Variants in GRIK4 observed in about 807,000 individuals in gnomAD.
The protein encoded by GRIK4 is glutamate receptor ionotropic, kainate 4.
A neutral mutation model predicts 104.9 loss-of-function variants in GRIK4; 40 were observed. The observed-to-expected ratio is 0.38, with a 90% confidence interval of 0.30 to 0.50. The LOEUF is 0.50. Among genes scored for constraint, GRIK4 ranks in the 20% least tolerant of loss-of-function variants. The pLI, the probability that GRIK4 is intolerant of heterozygous loss-of-function variation, is 0.93. For synonymous variants in GRIK4, 485 were observed against 524.9 expected (o/e 0.92, Z 1.04); for missense variants, 1,047 against 1,308.1 (o/e 0.80, Z 3.08).
chr11:120,547,463 G>A (rs12294271), intron 1 of GRIK4, among the ~76,000 whole-genome samples: 1 of 152,140 alleles, frequency 6.6e-6, no homozygotes, highest in East Asian at 1.9e-4. Context: ...GTGACCACAT[G>A]CTCACACAGG....
At chr11:120,577,571 T>TTGCCTGCCTTGG (rs1948501852) in intron 1 of GRIK4, among the ~76,000 whole-genome samples, 1 of 152,008 alleles carries the variant, frequency 6.6e-6, no homozygotes, top group Non-Finnish European at 1.5e-5. Context: ...GGCAGATCAT[T>TTGCCTGCCTTGG]AAGATTTAAT....
At chr11:120,982,768 C>G (rs2134802849) in intron 20 of GRIK4, among the ~76,000 whole-genome samples, 1 of 152,236 alleles carries the variant, frequency 6.6e-6, no homozygotes, top group African/African-American at 2.4e-5. Context: ...GTTACATTAG[C>G]CTCTATCTCA....
chr11:120,623,380 G>A (rs6589821), intron 1 of GRIK4, among the ~76,000 whole-genome samples: 58,722 of 151,840 alleles, frequency 0.39, 11,686 homozygotes, highest in Admixed American at 0.5. Flanking sequence ...TGATCCTCCC[G>A]CCTTGGACTC....
Position 120,956,046 on chromosome 11 carries a change from G to A in GRIK4, c.1701-734G>A, listed in dbSNP as rs561192368. ...GCTTGGTGGTTCTGAGGTAGGCTAAGGCTGGAGGGCCACTGCTCTAGGCTG... is the reference window on the plus strand; with the variant it reads ...GCTTGGTGGTTCTGAGGTAGGCTAAAGCTGGAGGGCCACTGCTCTAGGCTG... On this transcript the variant is annotated intron_variant, in intron 15 of 20. Transcript: ENST00000527524. This position sits in a 1 kb window ranked among gnomAD's most constrained non-coding sequence, Gnocchi z 4.6. Among the ~76,000 whole-genome samples, 19 of 152,240 alleles carry A rather than the reference G, an allele frequency of 1.2e-4. No homozygotes were observed. The highest frequency in any genetic ancestry group is 4.6e-4 in the African/African-American group (19 of 41,562).
chr11:120,603,137 C>A (rs1948909811), intron 1 of GRIK4, among the ~76,000 whole-genome samples: 1 of 152,216 alleles, frequency 6.6e-6, no homozygotes, highest in Non-Finnish European at 1.5e-5. Flanking sequence ...GAGACTGAGT[C>A]CCACTGGCAG....
intron 1 of GRIK4, among the ~76,000 whole-genome samples, chr11:120,512,965 C>T (rs1208541157): frequency 6.6e-6 from 1 of 152,152 alleles, no homozygotes; most frequent in Non-Finnish European, 1.5e-5. Context: ...CCGGGCTGGA[C>T]CTTGGGCTGC....
At chr11:120,652,813 A>C (rs1317239833) in intron 1 of GRIK4, among the ~76,000 whole-genome samples, 1 of 152,096 alleles carries the variant, frequency 6.6e-6, no homozygotes, top group Non-Finnish European at 1.5e-5. Flanking sequence ...TGAGGATGAG[A>C]GAGACCAGCG....
chr11:120,861,463 G>A (rs1954261487), intron 8 of GRIK4, among the ~76,000 whole-genome samples: 1 of 152,092 alleles, frequency 6.6e-6, no homozygotes, highest in Non-Finnish European at 1.5e-5. Flanking sequence ...CACACTTTAA[G>A]AAGTGATGTC....
chr11:120,746,639 AG>A (rs1011125831), intron 3 of GRIK4, among the ~76,000 whole-genome samples: 2 of 152,192 alleles, frequency 1.3e-5, no homozygotes, highest in African/African-American at 4.8e-5. Context: ...CTTACCCAAA[AG>A]GGGGAATTAA....
chr11:120,719,524 G>C (rs368551100), intron 3 of GRIK4, among the ~76,000 whole-genome samples: 77 of 152,296 alleles, frequency 5.1e-4, no homozygotes, highest in Middle Eastern at 3.4e-3. Context: ...GATGATACCA[G>C]CTTCCCAGTT....
At chr11:120,802,990 T>C (rs78587577) in intron 4 of GRIK4, 133 bp downstream of exon 4, 1 of 807,616 alleles carries the variant, frequency 1.2e-6, no homozygotes, top group South Asian at 1.8e-5. Flanking sequence ...GGAGAGGAAC[T>C]TGAACCAGGA....
chr11:120,855,278 A>G (rs1233293314), intron 8 of GRIK4, among the ~76,000 whole-genome samples: 1 of 152,100 alleles, frequency 6.6e-6, no homozygotes, highest in Non-Finnish European at 1.5e-5. Context: ...TACTGCATTG[A>G]CTTCTAATTC....
intron 3 of GRIK4, among the ~76,000 whole-genome samples, chr11:120,748,306 A>G (rs1951483171): frequency 6.6e-6 from 1 of 151,826 alleles, no homozygotes; most frequent in Non-Finnish European, 1.5e-5. Flanking sequence ...AGCACTTTTA[A>G]TTTGCTTGGA....
chr11:120,831,773 G>A (rs947620032), intron 6 of GRIK4, 79 bp from the exon 7 acceptor site: 41 of 1,108,184 alleles, frequency 3.7e-5, no homozygotes, highest in Non-Finnish European at 4.8e-5. Context: ...CCACATCTCC[G>A]TGCCTTCCTG....
chr11:120,931,881 C>T (rs1463187995), intron 13 of GRIK4, among the ~76,000 whole-genome samples: 4 of 152,186 alleles, frequency 2.6e-5, no homozygotes, highest in Non-Finnish European at 4.4e-5. Context: ...CCTCATCTTA[C>T]AGCATGCTCC....
intron 11 of GRIK4, among the ~76,000 whole-genome samples, chr11:120,878,838 ATAAT>A (rs769443920): frequency 2.0e-5 from 3 of 152,246 alleles, no homozygotes; most frequent in Non-Finnish European, 4.4e-5. Flanking sequence ...TTAGGGAGTG[ATAAT>A]TAATTGGGCC....
At chr11:120,848,634 G>T (rs367607623) in intron 8 of GRIK4, among the ~76,000 whole-genome samples, 72 of 152,292 alleles carry the variant, frequency 4.7e-4, no homozygotes, top group African/African-American at 1.7e-3. Flanking sequence ...AGCAAGAGTT[G>T]GTCTCAGCTG....
At chr11:120,927,145 G>A (rs1028858430) in intron 13 of GRIK4, among the ~76,000 whole-genome samples, 13 of 151,834 alleles carry the variant, frequency 8.6e-5, no homozygotes, top group African/African-American at 1.7e-4. Flanking sequence ...ATGGGCTGCC[G>A]TATCACCAAC....
At chr11:120,970,926 G>T (rs1436688484) in intron 19 of GRIK4, among the ~76,000 whole-genome samples, 10 of 152,190 alleles carry the variant, frequency 6.6e-5, no homozygotes, top group Non-Finnish European at 1.5e-4. Flanking sequence ...AGATGCCCTT[G>T]TGATAGTAGA....
Sources: gnomAD v4.1 joint callset for allele counts (sites outside exome capture counted in the v4.1 genomes callset) on GRCh38, gnomAD v4.1.1 for gene constraint, Gnocchi (gnomAD v3.1) non-coding constraint, MANE v1.5 for transcripts, NCBI Gene and HGNC (gene_info 2026-07-23, HGNC 2026-07-21) for gene names.